Variants in CSMD1 observed in about 807,000 individuals in gnomAD.
CSMD1 encodes the protein CUB and Sushi multiple domains 1.
In CSMD1, 213 loss-of-function variants were observed where a neutral mutation model predicts 417.5. The observed-to-expected ratio is 0.51, with a 90% CI of 0.46 to 0.57. CSMD1 has a LOEUF of 0.57. Ranked by LOEUF, CSMD1 falls within the 20% of genes least tolerant of loss-of-function variation. CSMD1 has a pLI of 0.00. For synonymous variants in CSMD1, 2,862 were observed against 1,736.8 expected, an observed-to-expected ratio of 1.65 and a Z score of -16.11; for missense variants, 6,923 against 4,529.7, an observed-to-expected ratio of 1.53 and a Z score of -15.17.
At chr8:4,187,349 C>T (rs755090095) in intron 3 of CSMD1, among the ~76,000 whole-genome samples, 2 of 152,078 alleles carry the variant, frequency 1.3e-5, no homozygotes, top group Non-Finnish European at 2.9e-5. Flanking sequence ...CACAGGTAAG[C>T]ATTAAGTAGC....
At chr8:4,342,065 C>G (rs1800507744) in intron 3 of CSMD1, among the ~76,000 whole-genome samples, 1 of 152,046 alleles carries the variant, frequency 6.6e-6, no homozygotes, top group Non-Finnish European at 1.5e-5. Context: ...TCCTGAAGAT[C>G]CTGCAGTTCA....
chr8:4,415,886 T>G (rs1007809176), intron 3 of CSMD1, among the ~76,000 whole-genome samples: 7 of 152,206 alleles, frequency 4.6e-5, no homozygotes, highest in Admixed American at 4.6e-4. Context: ...AGTGAGTGTA[T>G]AAGGATTGCA....
intron 3 of CSMD1, among the ~76,000 whole-genome samples, chr8:4,281,437 C>T (rs1057306421): frequency 2.0e-5 from 3 of 152,106 alleles, no homozygotes; most frequent in African/African-American, 4.8e-5. Context: ...GAAATTAACA[C>T]TTCAGAAGGA....
chr8:3,646,634 G>C (rs1288885856), intron 7 of CSMD1, among the ~76,000 whole-genome samples: 1 of 152,142 alleles, frequency 6.6e-6, no homozygotes, highest in Non-Finnish European at 1.5e-5. Context: ...TAACTTTCTT[G>C]GTTCCTGCCA....
At chr8:3,083,215 G>C (rs900074582) in intron 49 of CSMD1, among the ~76,000 whole-genome samples, 37 of 151,820 alleles carry the variant, frequency 2.4e-4, no homozygotes, top group Non-Finnish European at 4.1e-4. Flanking sequence ...TTTTTAAAAA[G>C]ACAGAACATG....
chr8:3,724,349 T>C (rs1396110707), intron 6 of CSMD1, among the ~76,000 whole-genome samples: 2 of 152,180 alleles, frequency 1.3e-5, no homozygotes, highest in African/African-American at 4.8e-5. Context: ...CCCGGGTTTT[T>C]GTTTGGTCAA....
chr8:3,480,959 A>T (rs1457716381), intron 11 of CSMD1, among the ~76,000 whole-genome samples: 1 of 151,946 alleles, frequency 6.6e-6, no homozygotes, highest in African/African-American at 2.4e-5. Context: ...GATCGAGACT[A>T]TCCTGGCTAA....
Position 3,556,133 on chromosome 8 carries a change from A to G in CSMD1, c.1344+18812T>C, listed in dbSNP as rs144179223. On this transcript the variant is annotated intron_variant, in intron 10 of 69. Coordinates refer to ENST00000635120, the MANE Select transcript of CSMD1 (RefSeq NM_033225.6). ...CTCACAAAACCCAGCAGCACAAAACAGAGGAACTATTCAGAATCATCAATT... is the reference window on the plus strand; with the variant it reads ...CTCACAAAACCCAGCAGCACAAAACGGAGGAACTATTCAGAATCATCAATT... 1.5e-3 allele frequency among the ~76,000 whole-genome samples: 225 copies of G among 152,208 alleles called. 1 individual carries two copies. The highest frequency in any genetic ancestry group is 5.3e-3 in the African/African-American group (221 of 41,548).
chr8:4,048,530 T>A (rs1469492489), intron 3 of CSMD1, among the ~76,000 whole-genome samples: 1 of 152,078 alleles, frequency 6.6e-6, no homozygotes, highest in Non-Finnish European at 1.5e-5. Flanking sequence ...ATCCCTCAGG[T>A]TTATAAACCA....
chr8:3,858,997 C>T (rs1563151608), intron 5 of CSMD1, among the ~76,000 whole-genome samples: 1 of 152,154 alleles, frequency 6.6e-6, no homozygotes. Flanking sequence ...CTACTCCACA[C>T]CTTCATAGTG....
At chr8:4,106,037 G>A (rs1258138053) in intron 3 of CSMD1, among the ~76,000 whole-genome samples, 2 of 152,232 alleles carry the variant, frequency 1.3e-5, no homozygotes, top group African/African-American at 2.4e-5. Flanking sequence ...ACTGCATCAA[G>A]GTAGGCCAGA....
intron 26 of CSMD1, among the ~76,000 whole-genome samples, chr8:3,270,049 T>C (rs1471568662): frequency 6.7e-5 from 5 of 74,156 alleles, no homozygotes; most frequent in East Asian, 1.7e-3. Flanking sequence ...ACCTCTTCTT[T>C]TTTTTTTTTT....
intron 5 of CSMD1, among the ~76,000 whole-genome samples, chr8:3,971,644 C>G (rs1735667283): frequency 6.6e-6 from 1 of 152,148 alleles, no homozygotes. Flanking sequence ...AGTCTCAAGA[C>G]AATCCTGATC....
chr8:4,988,118 G>A (rs1261622031), intron 1 of CSMD1, among the ~76,000 whole-genome samples: 3 of 152,164 alleles, frequency 2.0e-5, no homozygotes, highest in Non-Finnish European at 2.9e-5. Context: ...AAACTGGGAA[G>A]AGACACCAAC....
chr8:4,002,451 A>C (rs1398609599), intron 4 of CSMD1, among the ~76,000 whole-genome samples: 1 of 152,218 alleles, frequency 6.6e-6, no homozygotes, highest in African/African-American at 2.4e-5. Context: ...AAAATAAATC[A>C]GTTTGTTTCC....
chr8:2,940,157 T>G (rs13272725), intron 69 of CSMD1, among the ~76,000 whole-genome samples: 8,474 of 152,070 alleles, frequency 0.056, 305 homozygotes, highest in East Asian at 0.14. Flanking sequence ...GTGTAGAGAG[T>G]GCTACAGGCT....
At chr8:4,214,699 C>T (rs772648784) in intron 3 of CSMD1, among the ~76,000 whole-genome samples, 6 of 151,972 alleles carry the variant, frequency 3.9e-5, no homozygotes, top group Non-Finnish European at 5.9e-5. Flanking sequence ...GTGTAGCTAA[C>T]GTGGATATAG....
chr8:3,445,897 GATCT>G (rs886982687), intron 12 of CSMD1, among the ~76,000 whole-genome samples: 1 of 152,144 alleles, frequency 6.6e-6, no homozygotes, highest in Non-Finnish European at 1.5e-5. Flanking sequence ...GTAAAATTGA[GATCT>G]ATCATCTTGA....
At chr8:3,497,509 A>G (rs1176048000) in intron 10 of CSMD1, among the ~76,000 whole-genome samples, 1 of 152,130 alleles carries the variant, frequency 6.6e-6, no homozygotes, top group Non-Finnish European at 1.5e-5. Flanking sequence ...GGTTTAAGCA[A>G]TTCTCATGTC....
Sources: gnomAD v4.1 joint callset for allele counts (sites outside exome capture counted in the v4.1 genomes callset) on GRCh38, gnomAD v4.1.1 for gene constraint, MANE v1.5 for transcripts, NCBI Gene and HGNC (gene_info 2026-07-23, HGNC 2026-07-21) for gene names.